Variants in NRXN3 observed in about 807,000 individuals in gnomAD.
NRXN3 encodes neurexin 3.
A neutral mutation model predicts 137.6 loss-of-function variants in NRXN3; 32 were observed. The ratio of observed to expected loss-of-function variants is 0.23; its 90% CI spans 0.18 to 0.31. The LOEUF (loss-of-function observed/expected upper bound fraction) is 0.31, where lower values mean the gene tolerates loss of function less well. NRXN3 is among the 10% of genes least tolerant of loss of function. NRXN3 has a pLI of 1.00. For synonymous variants in NRXN3, 798 were observed against 784.5 expected (o/e 1.02, Z -0.29); for missense variants, 1,574 against 2,062.5 (o/e 0.76, Z 4.59).
intron 20 of NRXN3, among the ~76,000 whole-genome samples, chr14:79,816,861 A>T (rs566499251): frequency 2.0e-5 from 3 of 152,338 alleles, no homozygotes; most frequent in Non-Finnish European, 4.4e-5. Flanking sequence ...TGCAGAAAGC[A>T]ACTGCAGTTT....
At chr14:79,794,859 A>C (rs28714674) in intron 19 of NRXN3, among the ~76,000 whole-genome samples, 1 of 152,306 alleles carries the variant, frequency 6.6e-6, no homozygotes, top group Admixed American at 6.5e-5. Context: ...GAGGATGAGC[A>C]GCAAGGAATG....
chr14:79,190,017 A>G (rs1751656614), intron 15 of NRXN3, among the ~76,000 whole-genome samples: 2 of 152,182 alleles, frequency 1.3e-5, no homozygotes, highest in South Asian at 4.1e-4. Flanking sequence ...GCATTTTGGA[A>G]TTGGGTGATA....
intron 4 of NRXN3, among the ~76,000 whole-genome samples, chr14:78,633,039 TC>T (rs1360677258): frequency 1.3e-4 from 19 of 151,454 alleles, no homozygotes; most frequent in African/African-American, 4.6e-4. Flanking sequence ...ATTGAGACCA[TC>T]CTGGCTAACA....
rs535969436 is a variant in NRXN3, at chr14:79,212,288, T to C, written c.3262+224147T>C. ...TCGAAAGGACAAATCCCCTTGTCTG[T>C]GATTTTTCTTTCTAGGCTTCTTTGG... On this transcript the variant is annotated intron_variant, in intron 15 of 20. Coordinates refer to ENST00000335750, the MANE Select transcript of NRXN3 (RefSeq NM_001330195.2). Among the ~76,000 whole-genome samples, 26 of 152,266 alleles carry C rather than the reference T, an allele frequency of 1.7e-4. No individual in the cohort carries two copies. The South Asian group carries it at 3.7e-3, about 22-fold the overall frequency.
At chr14:78,817,325 G>A (rs568157929) in intron 10 of NRXN3, among the ~76,000 whole-genome samples, 5 of 152,250 alleles carry the variant, frequency 3.3e-5, no homozygotes, top group Non-Finnish European at 5.9e-5. Context: ...AAAAGTAAAC[G>A]TGATGTGAAC....
intron 19 of NRXN3, among the ~76,000 whole-genome samples, chr14:79,779,731 C>T (rs2099108083): frequency 6.6e-6 from 1 of 152,226 alleles, no homozygotes; most frequent in Non-Finnish European, 1.5e-5. Flanking sequence ...ACTCATCTAT[C>T]ATTCTTGCAG....
intron 15 of NRXN3, among the ~76,000 whole-genome samples, chr14:79,358,514 C>T (rs1376537439): frequency 7.2e-6 from 1 of 139,380 alleles, no homozygotes; most frequent in African/African-American, 2.7e-5. Context: ...GCGGAGCTTA[C>T]AGTGAGCAGA....
intron 3 of NRXN3, 109 bp downstream of exon 3, chr14:78,278,771 C>A: frequency 1.2e-6 from 1 of 833,390 alleles, no homozygotes; most frequent in Non-Finnish European, 2.0e-6. Context: ...AAGTGTATTG[C>A]ATTTTCACTG....
intron 8 of NRXN3, among the ~76,000 whole-genome samples, chr14:78,772,277 A>G (rs1263328645): frequency 6.6e-6 from 1 of 152,206 alleles, no homozygotes; most frequent in African/African-American, 2.4e-5. Context: ...CAATTTAAGG[A>G]AAAAGACGAA....
intron 15 of NRXN3, among the ~76,000 whole-genome samples, chr14:79,110,677 G>A (rs1441615592): frequency 6.6e-6 from 1 of 152,050 alleles, no homozygotes; most frequent in African/African-American, 2.4e-5. Flanking sequence ...CTATAGTTAT[G>A]TAAATGTTAA....
chr14:79,518,768 C>T (rs553129628), intron 16 of NRXN3, among the ~76,000 whole-genome samples: 38 of 152,218 alleles, frequency 2.5e-4, no homozygotes, highest in African/African-American at 7.5e-4. Flanking sequence ...ACTTTAGCCT[C>T]GTTACTGACT....
At chr14:79,303,067 C>T (rs748663997) in intron 15 of NRXN3, among the ~76,000 whole-genome samples, 12 of 151,962 alleles carry the variant, frequency 7.9e-5, no homozygotes, top group Admixed American at 2.0e-4. Flanking sequence ...AAGTAACTTA[C>T]CCAACAACAC....
intron 15 of NRXN3, among the ~76,000 whole-genome samples, chr14:79,162,363 A>T (rs1338618797): frequency 6.8e-6 from 1 of 147,314 alleles, no homozygotes; most frequent in Non-Finnish European, 1.5e-5. Flanking sequence ...TCATTGTTCA[A>T]TTACCACCTG....
intron 8 of NRXN3, among the ~76,000 whole-genome samples, chr14:78,749,106 G>A (rs1329477405): frequency 2.0e-5 from 3 of 152,182 alleles, no homozygotes; most frequent in African/African-American, 4.8e-5. Flanking sequence ...TAGAGAAGGG[G>A]AGAACAATAA....
chr14:79,699,843 A>G (rs935521524), intron 19 of NRXN3, among the ~76,000 whole-genome samples: 1 of 152,006 alleles, frequency 6.6e-6, no homozygotes, highest in African/African-American at 2.4e-5. Flanking sequence ...GTCTACAAAA[A>G]TGAGTTATAA....
intron 8 of NRXN3, among the ~76,000 whole-genome samples, chr14:78,726,598 A>G (rs1375497893): frequency 4.2e-5 from 6 of 142,222 alleles, no homozygotes; most frequent in African/African-American, 1.5e-4. Context: ...GCTCACTGCA[A>G]CTCCTGCTCC....
At chr14:78,612,648 A>G (rs2097309839) in intron 4 of NRXN3, among the ~76,000 whole-genome samples, 2 of 152,214 alleles carry the variant, frequency 1.3e-5, no homozygotes, top group South Asian at 4.1e-4. Context: ...AGCTTTAGAA[A>G]AATTACTTAC....
intron 4 of NRXN3, among the ~76,000 whole-genome samples, chr14:78,328,931 G>A (rs1274277738): frequency 6.6e-6 from 1 of 152,134 alleles, no homozygotes; most frequent in Non-Finnish European, 1.5e-5. Context: ...ATTTGGGGTA[G>A]GGGTGGGGAC....
At chr14:79,783,844 A>G (rs1445968089) in intron 19 of NRXN3, among the ~76,000 whole-genome samples, 5 of 151,998 alleles carry the variant, frequency 3.3e-5, no homozygotes, top group Non-Finnish European at 2.9e-5. Flanking sequence ...TCTTTCTGTG[A>G]CCTTTTTGAT....
Sources: allele counts gnomAD v4.1 joint callset (sites outside exome capture counted in the v4.1 genomes callset), GRCh38; gene constraint gnomAD v4.1.1; transcripts MANE v1.5; gene names NCBI Gene and HGNC (gene_info 2026-07-23, HGNC 2026-07-21).